The following ATRX variants were observed in gnomAD, a reference collection of about 807,000 sequenced individuals.
The protein encoded by ATRX is ATRX chromatin remodeler.
Under a neutral mutation model 172.6 loss-of-function variants are expected in ATRX, and 12 were observed. The ratio of observed to expected loss-of-function variants is 0.07; its 90% CI spans 0.04 to 0.11. The LOEUF is 0.11. ATRX is among the 10% of genes least tolerant of loss of function. The pLI is 1.00. For synonymous variants in ATRX, 674 were observed against 594.7 expected, an observed-to-expected ratio of 1.13 and a Z score of -1.94; for missense variants, 1,368 against 1,767.4, an observed-to-expected ratio of 0.77 and a Z score of 4.05.
chrX:77,714,626 G>A (rs1333867883), intron 2 of ATRX, among the ~76,000 whole-genome samples: 3 of 111,485 alleles, frequency 2.7e-5, no homozygotes, highest in African/African-American at 9.8e-5. Flanking sequence ...GATGCATGGA[G>A]AACAGAACAC....
chrX:77,621,866 C>CAAA (rs1169195061), intron 19 of ATRX, among the ~76,000 whole-genome samples: 1 of 107,782 alleles, frequency 9.3e-6, no homozygotes, highest in Non-Finnish European at 1.9e-5. Context: ...ACAACAACAA[C>CAAA]AAAAAAAAAC....
In ATRX at chrX:77,508,306, G is replaced by A. The variant is rs2062753699; in HGVS notation, c.*45C>T. The stretch of plus-strand genomic sequence containing the variant: ...GTCATTGATTCCTAAAAAAATAAAA[G>A]ATCTTTCTATGATTTTAACAATCCA... On this transcript the variant is annotated 3_prime_UTR_variant, in exon 35 of 35. Coordinates refer to ENST00000373344, the MANE Select transcript of ATRX (RefSeq NM_000489.6). 2 of 1,186,842 alleles carry A rather than the reference G, an allele frequency of 1.7e-6. No individual in the cohort carries two copies. Among genetic ancestry groups the A allele is most frequent in the Non-Finnish European group, 2.3e-6 (2 of 874,137 alleles).
At chrX:77,516,034 T>G (rs993934699) in intron 34 of ATRX, among the ~76,000 whole-genome samples, 6 of 111,196 alleles carry the variant, frequency 5.4e-5, no homozygotes, top group African/African-American at 2.0e-4. Flanking sequence ...TGAGAACACA[T>G]GAACACATAG....
intron 27 of ATRX, among the ~76,000 whole-genome samples, chrX:77,583,095 A>C (rs1557074933): frequency 8.9e-6 from 1 of 111,984 alleles, no homozygotes; most frequent in African/African-American, 3.2e-5. Flanking sequence ...ATCCTCAACA[A>C]AACAGTAGCA....
At chrX:77,686,889 C>A (rs2148649603) in intron 7 of ATRX, among the ~76,000 whole-genome samples, 1 of 109,332 alleles carries the variant, frequency 9.1e-6, no homozygotes, top group Non-Finnish European at 1.9e-5. Context: ...TTTGGTGGCT[C>A]ATGCCTGTAA....
chrX:77,752,748 C>T (rs1569545268), intron 1 of ATRX, among the ~76,000 whole-genome samples: 1 of 111,712 alleles, frequency 9.0e-6, no homozygotes, highest in Non-Finnish European at 1.9e-5. Flanking sequence ...TCACTGGTTC[C>T]GTTTATGTGA....
chrX:77,518,163 T>C (rs782602745), intron 34 of ATRX, among the ~76,000 whole-genome samples: 25 of 111,961 alleles, frequency 2.2e-4, no homozygotes, highest in Non-Finnish European at 4.3e-4. Flanking sequence ...CTGCAAGTCA[T>C]AGCTAGAGCA....
At chrX:77,591,101 A>G (rs1017412808) in intron 26 of ATRX, among the ~76,000 whole-genome samples, 3 of 112,247 alleles carry the variant, frequency 2.7e-5, no homozygotes, top group African/African-American at 9.7e-5. Flanking sequence ...CATGAAAACT[A>G]TTTGGTCACA....
intron 12 of ATRX, among the ~76,000 whole-genome samples, chrX:77,657,374 A>G (rs193143358): frequency 9.0e-6 from 1 of 111,386 alleles, no homozygotes; most frequent in Non-Finnish European, 1.9e-5. Flanking sequence ...ATTCCAGGAG[A>G]AAACCTCTTT....
chrX:77,665,953 A>G (rs1166661901), intron 10 of ATRX, among the ~76,000 whole-genome samples: 1 of 111,553 alleles, frequency 9.0e-6, no homozygotes, highest in Non-Finnish European at 1.9e-5. Context: ...ACGCACCCAC[A>G]TTTCAATGAA....
intron 1 of ATRX, among the ~76,000 whole-genome samples, chrX:77,753,592 G>T (rs1557188640): frequency 9.0e-6 from 1 of 111,325 alleles, no homozygotes; most frequent in African/African-American, 3.3e-5. Flanking sequence ...TTCTGATGGG[G>T]GCATTTAGTG....
At chrX:77,510,422 A>G (rs1472520350) in intron 34 of ATRX, among the ~76,000 whole-genome samples, 1 of 111,048 alleles carries the variant, frequency 9.0e-6, no homozygotes, top group Non-Finnish European at 1.9e-5. Context: ...GAAAGAGTAA[A>G]GAGAACTTTG....
chrX:77,626,002 T>C (rs1331310891), intron 19 of ATRX, among the ~76,000 whole-genome samples: 2 of 84,333 alleles, frequency 2.4e-5, no homozygotes, highest in Non-Finnish European at 4.4e-5. Context: ...TGCCCATCAA[T>C]GAATGAGTGG....
At chrX:77,697,457 G>A in intron 4 of ATRX, 126 bp downstream of exon 4, 1 of 573,442 alleles carries the variant, frequency 1.7e-6, no homozygotes, top group Non-Finnish European at 2.8e-6. Flanking sequence ...TTTCAAATAT[G>A]TATATTTGTA....
chrX:77,553,855 AC>A (rs1283915972), intron 30 of ATRX, among the ~76,000 whole-genome samples: 3 of 111,817 alleles, frequency 2.7e-5, no homozygotes, highest in Non-Finnish European at 5.6e-5. Context: ...TTACTATATT[AC>A]TTGCTTAAGG....
At chrX:77,651,242 A>AAAAAAAAAAT (rs1557116679) in intron 15 of ATRX, among the ~76,000 whole-genome samples, 1 of 103,989 alleles carries the variant, frequency 9.6e-6, no homozygotes. Context: ...AAAAAAAAAA[A>AAAAAAAAAAT]AAAAAGATGA....
chrX:77,718,492 G>C (rs1275471236), intron 1 of ATRX, among the ~76,000 whole-genome samples: 1 of 105,868 alleles, frequency 9.4e-6, no homozygotes, highest in Non-Finnish European at 1.9e-5. Context: ...TCCGGCCTCA[G>C]CCTCCCAAGT....
intron 2 of ATRX, among the ~76,000 whole-genome samples, chrX:77,715,067 G>A (rs782099825): frequency 9.2e-6 from 1 of 108,575 alleles, no homozygotes; most frequent in South Asian, 4.0e-4. Flanking sequence ...TAGGTCTGTT[G>A]ACATCAAGTT....
At position 77,701,280 on chromosome X, in the gene ATRX, G is replaced by A. The variant is rs1385503951; in HGVS notation, c.134-2651C>T. ...TAATCCTAGCACTTTGGGAGGCTGA[G>A]GTGGGCAGATCACCTGAGGTCAGGA... On this transcript the variant is annotated intron_variant, in intron 2 of 34. Transcript: ENST00000373344. Among the ~76,000 whole-genome samples the A allele has an allele frequency of 2.7e-5, 3 of 111,203 alleles. No homozygotes were observed. The Admixed American group carries it at 2.9e-4, about 11-fold the overall frequency.
Sources: allele counts gnomAD v4.1 joint callset (sites outside exome capture counted in the v4.1 genomes callset), GRCh38; gene constraint gnomAD v4.1.1; transcripts MANE v1.5; gene names NCBI Gene and HGNC (gene_info 2026-07-23, HGNC 2026-07-21).